Variants in COL27A1 observed in about 807,000 individuals in gnomAD.
COL27A1 encodes collagen type XXVII alpha 1 chain.
A neutral mutation model predicts 251.3 loss-of-function variants in COL27A1; 106 were observed. The observed-to-expected ratio is 0.42, with a 90% CI of 0.36 to 0.50. The LOEUF is 0.50. Ranked by LOEUF, COL27A1 falls within the 20% of genes least tolerant of loss-of-function variation. The pLI is 0.00. For missense variants in COL27A1, 2,325 were observed against 2,522.8 expected (o/e 0.92, Z 1.68); for synonymous variants, 1,000 against 986.3 (o/e 1.01, Z -0.26).
In COL27A1 at chr9:114,275,635, T is replaced by C. The variant is rs12685514; in HGVS notation, c.3610-26T>C. 347,024 of 1,451,068 alleles carry C rather than the reference T, an allele frequency of 0.24. 44,446 individuals are homozygous for C. Among genetic ancestry groups the C allele is most frequent in the East Asian group, 0.37 (14,769 of 39,886 alleles). 89.9% of individuals were successfully genotyped at this position (1,451,068 alleles called of 1,614,324 possible). A position where few individuals can be genotyped will look rare whatever the true frequency, so the allele number is the denominator to read the frequency against. On this transcript the variant is annotated intron_variant, in intron 36 of 60. Transcript: ENST00000356083. The stretch of plus-strand genomic sequence containing the variant: ...GCAACTAACTTATTCTCTCTCTCTC[T>C]CCCCTCTTCATGCCCTGCCACCCAG...
In COL27A1 at chr9:114,302,726, C is replaced by CAA. The variant is rs60188308; in HGVS notation, c.4872+632_4872+633dup. ...CTGTCTCAAAAAGAAACAAAAAAAA[C>CAA]AAAAAAAAAAAAAAACAAAGAGAGT... is the stretch of plus-strand genomic sequence containing the variant. On this transcript the variant is annotated intron_variant, in intron 56 of 60. Transcript: ENST00000356083. Among the ~76,000 whole-genome samples the CAA allele has an allele frequency of 1.7e-4, 23 of 139,224 alleles. No homozygotes were observed. The East Asian group carries it at 2.2e-3, about 13-fold the overall frequency. The allele number at this position is 139,224 out of a possible 152,430, so 91.3% of individuals were successfully genotyped here.
At position 114,237,597 on chromosome 9, in the gene COL27A1, C is replaced by T. The variant is rs75475207; in HGVS notation, c.2674-65C>T. ...CAACCATCCACAACCAGCGGGGGAACGCAGGGGGTTCATGGAAGGTGGGGT... is the reference window on the plus strand; with the variant it reads ...CAACCATCCACAACCAGCGGGGGAATGCAGGGGGTTCATGGAAGGTGGGGT... On this transcript the variant is annotated intron_variant, in intron 18 of 60. Transcript: ENST00000356083. 8,405 of 1,342,066 alleles carry T rather than the reference C, an allele frequency of 6.3e-3. 284 individuals carry two copies. In the African/African-American group the frequency reaches 0.083, roughly 13 times the overall value. 83.1% of individuals were successfully genotyped at this position (1,342,066 alleles called of 1,614,324 possible).
intron 8 of COL27A1, 95 bp downstream of exon 8, chr9:114,205,241 C>T: frequency 1.7e-6 from 2 of 1,191,672 alleles, no homozygotes; most frequent in Non-Finnish European, 2.4e-6. Flanking sequence ...CTCTGTGAGC[C>T]AGCCCCAGAG....
intron 11 of COL27A1, 65 bp downstream of exon 11, chr9:114,209,793 C>A: frequency 1.3e-6 from 2 of 1,486,668 alleles, no homozygotes; most frequent in Non-Finnish European, 1.9e-6. Flanking sequence ...GCAGAACCTG[C>A]CAGGCACCAG....
In COL27A1 at chr9:114,210,985, C is replaced by G. The variant is rs757495761; in HGVS notation, c.2326C>G (p.Leu776Val). ...GLPGSDGERG[L>V]PGVPGKRGKM... ...CTCCCCTGTCTCTCCCCTGCAGGGCCTGCCTGGCGTTCCTGGCAAGAGGGG... is the reference window on the plus strand; with the variant it reads ...CTCCCCTGTCTCTCCCCTGCAGGGCGTGCCTGGCGTTCCTGGCAAGAGGGG... The change falls in exon 12 of 61, where the codon CTG becomes GTG. Residue 776 changes from leucine (L) to valine (V), a missense_variant. Leu to Val is a conservative substitution (Grantham distance 32, BLOSUM62 1). Coordinates refer to ENST00000356083, the MANE Select transcript of COL27A1 (RefSeq NM_032888.4). 37 of 1,614,106 alleles carry G rather than the reference C, an allele frequency of 2.3e-5. No homozygotes were observed. The highest frequency in any genetic ancestry group is 2.9e-5 in the Non-Finnish European group (34 of 1,180,028).
chr9:114,219,982 C>T, intron 13 of COL27A1, 138 bp downstream of exon 13: 1 of 688,582 alleles, frequency 1.5e-6, no homozygotes, highest in South Asian at 1.6e-5. Context: ...CACCCTTGGA[C>T]AAATTACATG....
chr9:114,283,490 C>T (rs890072919), intron 39 of COL27A1, among the ~76,000 whole-genome samples: 14 of 152,158 alleles, frequency 9.2e-5, no homozygotes, highest in African/African-American at 3.4e-4. Flanking sequence ...CTGTCTCGAA[C>T]CCCTGGAGCC....
intron 4 of COL27A1, among the ~76,000 whole-genome samples, chr9:114,180,467 C>A (rs764664795): frequency 6.6e-6 from 1 of 152,196 alleles, no homozygotes; most frequent in Non-Finnish European, 1.5e-5. Context: ...CTTCTAGGCT[C>A]TTTGCCTGCA....
intron 49 of COL27A1, among the ~76,000 whole-genome samples, chr9:114,297,881 T>C (rs1165497717): frequency 6.6e-6 from 1 of 152,206 alleles, no homozygotes; most frequent in Non-Finnish European, 1.5e-5. Context: ...GTCATTTCTA[T>C]ATATAACATA....
chr9:114,223,032 T>G (rs1440834243), intron 14 of COL27A1, among the ~76,000 whole-genome samples: 5 of 152,198 alleles, frequency 3.3e-5, no homozygotes, highest in Non-Finnish European at 5.9e-5. Flanking sequence ...GGAGGCGATC[T>G]GACCTGACTC....
At chr9:114,270,661 G>A (rs2135632832) in intron 35 of COL27A1, 67 bp from the exon 36 acceptor site, 1 of 1,296,468 alleles carries the variant, frequency 7.7e-7, no homozygotes. Context: ...AGGGGGAAGA[G>A]AGGAAAAGCA....
At chr9:114,245,012 G>T (rs1374792068) in intron 23 of COL27A1, among the ~76,000 whole-genome samples, 1 of 152,074 alleles carries the variant, frequency 6.6e-6, no homozygotes, top group African/African-American at 2.4e-5. Context: ...GAGCAGAGAT[G>T]GGACTCACCC....
intron 14 of COL27A1, among the ~76,000 whole-genome samples, chr9:114,228,305 GCCTGCCGC>G (rs1831657982): frequency 6.6e-6 from 1 of 152,244 alleles, no homozygotes; most frequent in African/African-American, 2.4e-5. Context: ...CGGCCCCTCT[GCCTGCCGC>G]CCTGCCTGGC....
At chr9:114,218,748 T>C (rs1372608094) in intron 12 of COL27A1, among the ~76,000 whole-genome samples, 3 of 152,166 alleles carry the variant, frequency 2.0e-5, no homozygotes, top group African/African-American at 7.2e-5. Flanking sequence ...CCTGGTTACA[T>C]ACACACATTT....
At chr9:114,156,917 C>T (rs149711442) in intron 1 of COL27A1, among the ~76,000 whole-genome samples, 1 of 152,092 alleles carries the variant, frequency 6.6e-6, no homozygotes, top group African/African-American at 2.4e-5. Context: ...CCATCCTGCC[C>T]CCAGGACACC....
At chr9:114,195,326 C>T (rs1364732517) in intron 6 of COL27A1, among the ~76,000 whole-genome samples, 1 of 152,084 alleles carries the variant, frequency 6.6e-6, no homozygotes, top group African/African-American at 2.4e-5. Context: ...ACTGGGTGAC[C>T]CAGGGTCCCA....
chr9:114,162,622 T>A, intron 1 of COL27A1, 93 bp from the exon 2 acceptor site: 2 of 903,050 alleles, frequency 2.2e-6, no homozygotes, highest in Non-Finnish European at 3.6e-6. Flanking sequence ...GGGGTGAGAC[T>A]GGGACTGGTT....
Position 114,301,305 on chromosome 9 carries a change from A to G in COL27A1, c.4777A>G (p.Ser1593Gly). Residue 1593 changes from serine (S) to glycine (G), a missense_variant, in exon 53 of 61, where the codon AGC becomes GGC. Physicochemically the swap from Ser to Gly is moderately conservative, Grantham distance 56 (BLOSUM62 0). This residue lies in a region of COL27A1 where 327 missense variants were observed against 442.8 expected (regional missense o/e 0.74). Coordinates refer to ENST00000356083, the MANE Select transcript of COL27A1 (RefSeq NM_032888.4). Reference protein sequence around the residue: ...GLPGPKGDKGSRGDWGLQGPR... With the variant: ...GLPGPKGDKGGRGDWGLQGPR... The stretch of plus-strand genomic sequence containing the variant: ...GCAGGGTCCGAAGGGTGACAAAGGC[A>G]GCCGTGGGGACTGGGTAAGTGGATG... 5 of 1,609,052 alleles carry G rather than the reference A, an allele frequency of 3.1e-6. No individual in the cohort carries two copies. Among genetic ancestry groups the G allele is most frequent in the Non-Finnish European group, 4.2e-6 (5 of 1,178,422 alleles).
At position 114,284,320 on chromosome 9, in the gene COL27A1, C is replaced by T. The variant is rs149480300; in HGVS notation, c.3934-404C>T. On this transcript the variant is annotated intron_variant, in intron 40 of 60. Coordinates refer to ENST00000356083, the MANE Select transcript of COL27A1 (RefSeq NM_032888.4). The stretch of plus-strand genomic sequence containing the variant: ...GGGAGGAGGAGGAGAGGAAAAGAGG[C>T]GAGACAAGACCTGGAGGGGTGTTGC... Among the ~76,000 whole-genome samples, 10 of 152,294 alleles carry T rather than the reference C, an allele frequency of 6.6e-5. No individual in the cohort carries two copies. The East Asian group carries it at 1.5e-3, about 24-fold the overall frequency.
Sources: allele counts gnomAD v4.1 joint callset (sites outside exome capture counted in the v4.1 genomes callset), GRCh38; gene constraint gnomAD v4.1.1; regional missense constraint gnomAD v4.1.1; transcripts MANE v1.5; gene names NCBI Gene and HGNC (gene_info 2026-07-23, HGNC 2026-07-21).